The following GSE1 variants were observed in gnomAD, a reference collection of about 807,000 sequenced individuals.
GSE1 encodes the protein genetic suppressor element 1.
GSE1 carries 32 observed loss-of-function variants against 112.6 expected under a neutral mutation model. That is an observed-to-expected ratio of 0.28 (90% CI 0.21 to 0.38). The LOEUF (loss-of-function observed/expected upper bound fraction) is 0.38, where lower values mean the gene tolerates loss of function less well. Ranked by LOEUF, GSE1 falls within the 10% of genes least tolerant of loss-of-function variation. GSE1 has a pLI of 1.00. For missense variants in GSE1, 2,348 were observed against 1,699.2 expected (o/e 1.38, Z -6.71); for synonymous variants, 1,115 against 735.6 (o/e 1.52, Z -8.35).
intron 2 of GSE1, among the ~76,000 whole-genome samples, chr16:85,396,972 CAG>C (rs751346230): frequency 3.3e-5 from 5 of 151,982 alleles, no homozygotes; most frequent in South Asian, 2.1e-4. Flanking sequence ...GTGACAGGTC[CAG>C]AGAGAGAGAG....
chr16:85,312,890 G>A (rs1308832625), intron 1 of GSE1, among the ~76,000 whole-genome samples: 1 of 152,176 alleles, frequency 6.6e-6, no homozygotes, highest in Non-Finnish European at 1.5e-5. Context: ...CCCTGTCTAG[G>A]CTGGTGGATT....
At chr16:85,552,584 G>A (rs1271962082), upstream of GSE1, among the ~76,000 whole-genome samples, 1 of 151,648 alleles carries the variant, frequency 6.6e-6, no homozygotes, top group Non-Finnish European at 1.5e-5. Context: ...CGTCCGTCTC[G>A]GCCTCCCAAA....
At chr16:85,335,037 T>C (rs563240677) in intron 1 of GSE1, among the ~76,000 whole-genome samples, 15 of 152,374 alleles carry the variant, frequency 9.8e-5, no homozygotes, top group African/African-American at 3.1e-4. Context: ...GGATGCTATC[T>C]GTACAAGCGA....
chr16:85,590,596 AGCATGTGTGACATTGTGT>A (rs1229840889), intron 1 of GSE1, among the ~76,000 whole-genome samples: 3 of 151,636 alleles, frequency 2.0e-5, no homozygotes, highest in African/African-American at 7.3e-5. Context: ...TGTGTGATTG[AGCATGTGTGACATTGTGT>A]GCATGTGTGA....
intron 2 of GSE1, among the ~76,000 whole-genome samples, chr16:85,443,816 C>T (rs1306982584): frequency 1.3e-5 from 2 of 152,126 alleles, no homozygotes; most frequent in African/African-American, 2.4e-5. Flanking sequence ...CTGGGTGCCC[C>T]AGCCTCTCGG....
At chr16:85,532,385 C>T (rs932951630) in intron 2 of GSE1, among the ~76,000 whole-genome samples, 2 of 152,150 alleles carry the variant, frequency 1.3e-5, no homozygotes, top group African/African-American at 2.4e-5. Flanking sequence ...CTCAGCCTCC[C>T]GAGTAGCTGG....
chr16:85,506,071 G>A (rs965853735), intron 2 of GSE1, among the ~76,000 whole-genome samples: 2 of 152,110 alleles, frequency 1.3e-5, no homozygotes, highest in African/African-American at 4.8e-5. Context: ...ACAGTGAGTC[G>A]AACCAGGCAC....
At chr16:85,188,800 C>G (rs1430729562) in intron 1 of GSE1, among the ~76,000 whole-genome samples, 1 of 138,594 alleles carries the variant, frequency 7.2e-6, no homozygotes, top group Non-Finnish European at 1.6e-5. Context: ...GACCTTATCT[C>G]TATCTTAAAA....
At chr16:85,169,883 A>G (rs936007129) in exon 1 of GSE1, 114 of 984,158 alleles carry the variant, frequency 1.2e-4, no homozygotes, top group Non-Finnish European at 1.4e-4. Context: ...CGGCCCCACC[A>G]GTGCGACGCG....
intron 2 of GSE1, among the ~76,000 whole-genome samples, chr16:85,443,920 G>A (rs1249851677): frequency 2.6e-5 from 4 of 151,122 alleles, no homozygotes; most frequent in Non-Finnish European, 5.9e-5. Context: ...GCTGTGGGCC[G>A]GCCCACCTGT....
chr16:85,203,595 C>A (rs1264982635), intron 1 of GSE1, among the ~76,000 whole-genome samples: 1 of 152,228 alleles, frequency 6.6e-6, no homozygotes. Flanking sequence ...AGTCACCCCA[C>A]TCTACAGATA....
At chr16:85,645,065 G>A (rs1488558464) in intron 2 of GSE1, among the ~76,000 whole-genome samples, 2 of 151,408 alleles carry the variant, frequency 1.3e-5, no homozygotes, top group Non-Finnish European at 2.9e-5. Context: ...GCCCCGCCCT[G>A]CAGCCAGCGT....
At chr16:85,393,379 C>G (rs1016655111) in intron 2 of GSE1, among the ~76,000 whole-genome samples, 3 of 152,202 alleles carry the variant, frequency 2.0e-5, no homozygotes, top group African/African-American at 7.2e-5. Flanking sequence ...GGGCTCCCAG[C>G]CCAAATGACC....
intron 2 of GSE1, among the ~76,000 whole-genome samples, chr16:85,374,218 AGT>A (rs1181239297): frequency 7.0e-6 from 1 of 141,978 alleles, no homozygotes; most frequent in Non-Finnish European, 1.5e-5. Flanking sequence ...CTCGGTGTGC[AGT>A]GTGTGTCATT....
intron 1 of GSE1, among the ~76,000 whole-genome samples, chr16:85,586,730 C>T (rs2151412846): frequency 6.6e-6 from 1 of 152,336 alleles, no homozygotes; most frequent in East Asian, 1.9e-4. Flanking sequence ...CCCCCGTCCA[C>T]AGCCCCGGCA....
chr16:85,199,688 C>CG (rs746683985), intron 1 of GSE1, among the ~76,000 whole-genome samples: 3 of 152,020 alleles, frequency 2.0e-5, no homozygotes, highest in Non-Finnish European at 4.4e-5. Context: ...TCTCTGAAGT[C>CG]TAAGTTTGGG....
chr16:85,229,565 C>G (rs769806106), intron 1 of GSE1, among the ~76,000 whole-genome samples: 5 of 152,194 alleles, frequency 3.3e-5, no homozygotes, highest in Non-Finnish European at 5.9e-5. Context: ...GAGTTCCATT[C>G]TATAGAGAAG....
intron 2 of GSE1, among the ~76,000 whole-genome samples, chr16:85,515,645 G>A (rs990562584): frequency 9.3e-5 from 14 of 151,268 alleles, no homozygotes; most frequent in Non-Finnish European, 1.6e-4. Flanking sequence ...GTCGGGGGGC[G>A]TGGAGGGCGG....
intron 2 of GSE1, among the ~76,000 whole-genome samples, chr16:85,400,493 GGTGTGTT>G (rs1037642559): frequency 3.3e-5 from 5 of 150,932 alleles, no homozygotes; most frequent in Admixed American, 2.0e-4. Flanking sequence ...GTGTTGTGTG[GGTGTGTT>G]GTGTGTGTCT....
Sources: gnomAD v4.1 joint callset for allele counts (sites outside exome capture counted in the v4.1 genomes callset) on GRCh38, gnomAD v4.1.1 for gene constraint, MANE v1.5 for transcripts, NCBI Gene and HGNC (gene_info 2026-07-23, HGNC 2026-07-21) for gene names.